Variants in STK33 observed in about 807,000 individuals in gnomAD.
STK33 encodes the protein serine/threonine kinase 33.
A neutral mutation model predicts 58.0 loss-of-function variants in STK33; 52 were observed. That is an observed-to-expected ratio of 0.90 (90% CI 0.72 to 1.13). The LOEUF (loss-of-function observed/expected upper bound fraction) is 1.13, where lower values mean the gene tolerates loss of function less well. Among genes scored for constraint, STK33 ranks in the 50% most tolerant of loss-of-function variants. The probability of loss-of-function intolerance (pLI) is 0.00; values close to 1 mark genes in which losing one functional copy is unlikely to be tolerated. For missense variants in STK33, 630 were observed against 604.2 expected, an observed-to-expected ratio of 1.04 and a Z score of -0.45; for synonymous variants, 215 against 200.1, an observed-to-expected ratio of 1.07 and a Z score of -0.63.
At chr11:8,549,860 T>G (rs1339928911) in intron 1 of STK33, among the ~76,000 whole-genome samples, 1 of 152,182 alleles carries the variant, frequency 6.6e-6, no homozygotes, top group East Asian at 1.9e-4. Context: ...TTGGGTCTTC[T>G]CTCTTTTTTC....
intron 7 of STK33, among the ~76,000 whole-genome samples, chr11:8,462,888 C>T (rs1287868651): frequency 6.6e-6 from 1 of 152,084 alleles, no homozygotes; most frequent in Non-Finnish European, 1.5e-5. Flanking sequence ...AAGCATTGTC[C>T]TCATTTATTT....
At chr11:8,546,937 G>C (rs1955967838) in intron 1 of STK33, among the ~76,000 whole-genome samples, 1 of 152,150 alleles carries the variant, frequency 6.6e-6, no homozygotes. Flanking sequence ...ATATCCAGCA[G>C]TGGGATTGCT....
intron 15 of STK33, among the ~76,000 whole-genome samples, chr11:8,410,500 T>C (rs1940057389): frequency 7.6e-6 from 1 of 130,936 alleles, no homozygotes; most frequent in Admixed American, 9.1e-5. Context: ...TGAGACAAAG[T>C]CTCATTCCAT....
chr11:8,509,325 T>C (rs1952124800), intron 1 of STK33, among the ~76,000 whole-genome samples: 1 of 152,160 alleles, frequency 6.6e-6, no homozygotes, highest in African/African-American at 2.4e-5. Flanking sequence ...TAACTTTGTA[T>C]GTGTAGAAAT....
At chr11:8,500,821 C>T (rs1002974362) in intron 1 of STK33, among the ~76,000 whole-genome samples, 2 of 152,090 alleles carry the variant, frequency 1.3e-5, no homozygotes, top group African/African-American at 4.8e-5. Context: ...GTGGTACTGG[C>T]CTACAACAGA....
At chr11:8,493,799 A>C (rs1300322383) in intron 1 of STK33, among the ~76,000 whole-genome samples, 1 of 152,234 alleles carries the variant, frequency 6.6e-6, no homozygotes. Flanking sequence ...CAACATACCC[A>C]AATCACTATA....
At chr11:8,494,115 A>G (rs545770294) in intron 1 of STK33, among the ~76,000 whole-genome samples, 1 of 152,330 alleles carries the variant, frequency 6.6e-6, no homozygotes, top group African/African-American at 2.4e-5. Flanking sequence ...AGGCAATAGA[A>G]AGAAATGAAG....
chr11:8,346,096 C>T, the STK33 span, among the ~76,000 whole-genome samples: 8 of 152,328 alleles, frequency 5.3e-5, no homozygotes, highest in Admixed American at 3.9e-4. Context: ...GGACAATTCT[C>T]GCAGGTGTGA....
At chr11:8,379,581 A>G in the STK33 span, among the ~76,000 whole-genome samples, 5 of 152,212 alleles carry the variant, frequency 3.3e-5, 1 homozygote. Flanking sequence ...GCAAATTAGA[A>G]CCACAATGAG....
intron 1 of STK33, among the ~76,000 whole-genome samples, chr11:8,571,610 G>T (rs1241293942): frequency 1.3e-5 from 2 of 152,118 alleles, no homozygotes; most frequent in African/African-American, 4.8e-5. Flanking sequence ...GAGGCGGGTG[G>T]ATCACGAGGT....
At chr11:8,592,086 C>CA (rs1319318230) in intron 1 of STK33, among the ~76,000 whole-genome samples, 1 of 152,118 alleles carries the variant, frequency 6.6e-6, no homozygotes, top group African/African-American at 2.4e-5. Flanking sequence ...CTGTTTGACT[C>CA]AAAGTTCAGA....
At chr11:8,576,848 G>A (rs1376436219) in intron 1 of STK33, among the ~76,000 whole-genome samples, 2 of 152,328 alleles carry the variant, frequency 1.3e-5, no homozygotes, top group African/African-American at 4.8e-5. Context: ...AATGAAGCAA[G>A]TGACAGATGT....
chr11:8,442,998 A>G (rs948801579), intron 11 of STK33, among the ~76,000 whole-genome samples: 1 of 152,226 alleles, frequency 6.6e-6, no homozygotes, highest in African/African-American at 2.4e-5. Context: ...CTGGGGTGAC[A>G]GAAATGTTCT....
chr11:8,416,367 A>T (rs565434355), intron 14 of STK33, among the ~76,000 whole-genome samples: 1 of 152,318 alleles, frequency 6.6e-6, no homozygotes, highest in East Asian at 1.9e-4. Flanking sequence ...AGACACTTTA[A>T]TTCTCAGTAT....
intron 1 of STK33, among the ~76,000 whole-genome samples, chr11:8,577,448 A>T (rs1235648832): frequency 1.3e-5 from 2 of 152,162 alleles, no homozygotes; most frequent in Non-Finnish European, 2.9e-5. Flanking sequence ...TTTGCTTATT[A>T]TTTAGTATTT....
At chr11:8,461,994 C>CT (rs1046739872) in intron 7 of STK33, 85 bp from the exon 8 acceptor site, 3 of 1,030,276 alleles carry the variant, frequency 2.9e-6, no homozygotes, top group South Asian at 2.1e-5. Flanking sequence ...TGTTTTCCTA[C>CT]TTTTTTTCCT....
intron 1 of STK33, among the ~76,000 whole-genome samples, chr11:8,536,710 TTCA>T (rs1955025934): frequency 1.3e-5 from 2 of 152,274 alleles, no homozygotes; most frequent in Admixed American, 1.3e-4. Context: ...TTGGTTCTTC[TTCA>T]TATCTTCTAT....
chr11:8,553,616 T>C (rs780110968), intron 1 of STK33, among the ~76,000 whole-genome samples: 2 of 151,942 alleles, frequency 1.3e-5, no homozygotes, highest in African/African-American at 2.4e-5. Context: ...CACTGACCAA[T>C]GGAACAGGAC....
intron 1 of STK33, among the ~76,000 whole-genome samples, chr11:8,481,136 A>G (rs1949759910): frequency 6.6e-6 from 1 of 152,116 alleles, no homozygotes; most frequent in South Asian, 2.1e-4. Flanking sequence ...GTTTCATTCC[A>G]CATGAGGAAA....
Sources: gnomAD v4.1 joint callset for allele counts (sites outside exome capture counted in the v4.1 genomes callset) on GRCh38, gnomAD v4.1.1 for gene constraint, MANE v1.5 for transcripts, NCBI Gene and HGNC (gene_info 2026-07-23, HGNC 2026-07-21) for gene names.